Variants in GSE1 observed in about 807,000 individuals in gnomAD.
GSE1 encodes the protein Gse1 coiled-coil protein.
In GSE1, 32 loss-of-function variants were observed where a neutral mutation model predicts 112.6. The observed-to-expected ratio is 0.28, with a 90% CI of 0.21 to 0.38. The LOEUF (loss-of-function observed/expected upper bound fraction) is 0.38, where lower values mean the gene tolerates loss of function less well. GSE1 is among the 10% of genes least tolerant of loss of function. The pLI is 1.00. For synonymous variants in GSE1, 1,115 were observed against 735.6 expected (o/e 1.52, Z -8.35); for missense variants, 2,348 against 1,699.2 (o/e 1.38, Z -6.71).
chr16:85,657,642 C>G (rs770608020), intron 8 of GSE1, 38 bp downstream of exon 8: 1 of 1,396,074 alleles, frequency 7.2e-7, no homozygotes, highest in East Asian at 2.5e-5. Context: ...GATGAGCCTT[C>G]ACGTTCCGAT....
intron 1 of GSE1, among the ~76,000 whole-genome samples, chr16:85,239,485 T>G (rs1904998957): frequency 6.6e-6 from 1 of 152,214 alleles, no homozygotes; most frequent in Non-Finnish European, 1.5e-5. Flanking sequence ...TGACCTGTCC[T>G]TGCACGGCTG....
chr16:85,195,748 C>T (rs1018665214), intron 1 of GSE1, among the ~76,000 whole-genome samples: 11 of 152,292 alleles, frequency 7.2e-5, no homozygotes, highest in East Asian at 1.9e-4. Flanking sequence ...ACCAGGGCAC[C>T]GCACTGCTGA....
At chr16:85,643,902 C>G (rs1382400888) in intron 2 of GSE1, among the ~76,000 whole-genome samples, 1 of 152,044 alleles carries the variant, frequency 6.6e-6, no homozygotes, top group Non-Finnish European at 1.5e-5. Flanking sequence ...GGTGGCGGCT[C>G]TCGGTGTGTT....
At chr16:85,297,160 T>C (rs2045391605) in intron 1 of GSE1, among the ~76,000 whole-genome samples, 3 of 152,366 alleles carry the variant, frequency 2.0e-5, no homozygotes. Context: ...CCTCCAGGGT[T>C]GTCAGGAGAC....
At chr16:85,428,641 G>A (rs923816968) in intron 2 of GSE1, among the ~76,000 whole-genome samples, 6 of 152,170 alleles carry the variant, frequency 3.9e-5, no homozygotes, top group African/African-American at 4.8e-5. Context: ...CCCTGAGGGC[G>A]GTCCTCTGAT....
chr16:85,554,773 C>CG, upstream of GSE1: 1 of 472,564 alleles, frequency 2.1e-6, no homozygotes, highest in Non-Finnish European at 2.3e-6. Flanking sequence ...AGCTGTCAGT[C>CG]GTGGGGGGGG....
intron 2 of GSE1, among the ~76,000 whole-genome samples, chr16:85,542,867 G>A (rs557125895): frequency 1.1e-3 from 161 of 152,318 alleles, no homozygotes; most frequent in African/African-American, 3.8e-3. Flanking sequence ...CAGGGTACTC[G>A]GTAGTTTCCC....
chr16:85,542,758 G>C (rs2044566206), intron 2 of GSE1, among the ~76,000 whole-genome samples: 1 of 152,202 alleles, frequency 6.6e-6, no homozygotes, highest in Non-Finnish European at 1.5e-5. Context: ...GGCCCTGCTG[G>C]CCCCACCTCT....
At chr16:85,486,700 C>T (rs2050852205) in intron 2 of GSE1, among the ~76,000 whole-genome samples, 1 of 152,180 alleles carries the variant, frequency 6.6e-6, no homozygotes, top group Admixed American at 6.5e-5. Flanking sequence ...TCTCCTGCCG[C>T]CTCCAGCAGC....
chr16:85,271,922 G>A (rs934686170), intron 1 of GSE1, among the ~76,000 whole-genome samples: 3 of 152,236 alleles, frequency 2.0e-5, no homozygotes, highest in Non-Finnish European at 2.9e-5. Flanking sequence ...GGCACCTCAG[G>A]AGTGCCTTCG....
chr16:85,324,880 C>T (rs151094446), intron 1 of GSE1, among the ~76,000 whole-genome samples: 84 of 152,230 alleles, frequency 5.5e-4, no homozygotes, highest in African/African-American at 1.9e-3. Flanking sequence ...GTTAGTTGCA[C>T]GGCATTGTGA....
chr16:85,185,139 C>G (rs1028518789), intron 1 of GSE1: 1 of 152,384 alleles, frequency 6.6e-6, no homozygotes, highest in East Asian at 1.9e-4. Flanking sequence ...GCTGTTTCCA[C>G]TATGATGCAG....
At chr16:85,379,145 C>T (rs1376963456) in intron 2 of GSE1, among the ~76,000 whole-genome samples, 1 of 152,196 alleles carries the variant, frequency 6.6e-6, no homozygotes, top group Non-Finnish European at 1.5e-5. Context: ...TTCCGGGGCC[C>T]GGCCTACCTC....
At chr16:85,488,735 C>G (rs2050918122) in intron 2 of GSE1, among the ~76,000 whole-genome samples, 1 of 152,154 alleles carries the variant, frequency 6.6e-6, no homozygotes, top group East Asian at 1.9e-4. Flanking sequence ...GTGATGGAGA[C>G]TGGAGGAGGA....
chr16:85,556,097 G>T, exon 1 of GSE1: 1 of 984,242 alleles, frequency 1.0e-6, no homozygotes, highest in Non-Finnish European at 1.2e-6. Flanking sequence ...GGCCGAAATT[G>T]CCTGGGCGCT....
chr16:85,459,387 T>G (rs2049915612), intron 2 of GSE1, among the ~76,000 whole-genome samples: 1 of 152,188 alleles, frequency 6.6e-6, no homozygotes, highest in South Asian at 2.1e-4. Flanking sequence ...GTAGAGTGAC[T>G]TTGGGTTTCA....
At chr16:85,217,283 C>G (rs1452283779) in intron 1 of GSE1, among the ~76,000 whole-genome samples, 2 of 152,168 alleles carry the variant, frequency 1.3e-5, no homozygotes. Flanking sequence ...TGGGGCAGGC[C>G]CTGGACGGGA....
intron 2 of GSE1, among the ~76,000 whole-genome samples, chr16:85,390,032 C>T (rs1255322058): frequency 6.6e-6 from 1 of 152,152 alleles, no homozygotes; most frequent in African/African-American, 2.4e-5. Flanking sequence ...CAGCTGACCT[C>T]GGGGCCTAGG....
chr16:85,510,737 G>GC (rs2051714503), intron 2 of GSE1, among the ~76,000 whole-genome samples: 2 of 152,136 alleles, frequency 1.3e-5, no homozygotes, highest in Non-Finnish European at 1.5e-5. Context: ...GAACCCCAGA[G>GC]CCCCCCGCGA....
Sources: gnomAD v4.1 joint callset for allele counts (sites outside exome capture counted in the v4.1 genomes callset) on GRCh38, gnomAD v4.1.1 for gene constraint, MANE v1.5 for transcripts, NCBI Gene and HGNC (gene_info 2026-07-23, HGNC 2026-07-21) for gene names.